CEP83: variants seen among roughly 807,000 people sequenced by gnomAD.
CEP83 encodes centrosomal protein of 83 kDa.
A neutral mutation model predicts 101.9 loss-of-function variants in CEP83; 70 were observed. The ratio of observed to expected loss-of-function variants is 0.69; its 90% CI spans 0.57 to 0.84. The LOEUF (loss-of-function observed/expected upper bound fraction) is 0.84, where lower values mean the gene tolerates loss of function less well. Among genes scored for constraint, CEP83 ranks in the 40% least tolerant of loss-of-function variants. The pLI is 0.00. For synonymous variants in CEP83, 264 were observed against 267.9 expected, an observed-to-expected ratio of 0.99 and a Z score of 0.14; for missense variants, 715 against 787.2, an observed-to-expected ratio of 0.91 and a Z score of 1.10.
At chr12:94,424,375 T>C in intron 2 of CEP83, 1 of 1,613,996 alleles carries the variant, frequency 6.2e-7, no homozygotes, top group Non-Finnish European at 8.5e-7. Flanking sequence ...TCTTAATATA[T>C]TTTCCATTAA....
intron 1 of CEP83, among the ~76,000 whole-genome samples, chr12:94,448,614 G>A (rs1011684588): frequency 2.4e-4 from 37 of 152,006 alleles, no homozygotes; most frequent in African/African-American, 5.6e-4. Flanking sequence ...TTAGTCATCC[G>A]AACAAAAATA....
At chr12:94,425,899 T>C (rs1264533346) in intron 2 of CEP83, among the ~76,000 whole-genome samples, 1 of 152,028 alleles carries the variant, frequency 6.6e-6, no homozygotes, top group Non-Finnish European at 1.5e-5. Context: ...GGTGGGCGGA[T>C]CACGAGGTCA....
chr12:94,443,284 TAC>T (rs1566224778), intron 1 of CEP83, among the ~76,000 whole-genome samples: 2 of 147,410 alleles, frequency 1.4e-5, no homozygotes, highest in Non-Finnish European at 3.0e-5. Flanking sequence ...ACTTTGTTCA[TAC>T]AGTTATGCCA....
At chr12:94,364,547 T>A (rs2060928185) in intron 11 of CEP83, among the ~76,000 whole-genome samples, 1 of 152,056 alleles carries the variant, frequency 6.6e-6, no homozygotes, top group Non-Finnish European at 1.5e-5. Flanking sequence ...GGAGGATTGC[T>A]TGAGCTCAGG....
the CEP83 span, chr12:94,278,084 G>A: frequency 8.8e-6 from 4 of 455,648 alleles, no homozygotes; most frequent in Middle Eastern, 3.2e-4. Context: ...CTGTATGGGC[G>A]AGCATCTTCC....
intron 11 of CEP83, among the ~76,000 whole-genome samples, chr12:94,343,120 C>CATATAT (rs140745114): frequency 1.2e-4 from 17 of 146,932 alleles, no homozygotes; most frequent in African/African-American, 1.0e-4. Context: ...TATAGAACTT[C>CATATAT]ATATATATAT....
At chr12:94,449,535 C>T (rs1478236121) in intron 1 of CEP83, among the ~76,000 whole-genome samples, 2 of 150,826 alleles carry the variant, frequency 1.3e-5, no homozygotes, top group Non-Finnish European at 2.9e-5. Flanking sequence ...GCAGGTAAAT[C>T]GCTTGAGCCA....
chr12:94,327,533 C>A (rs1380937873), intron 14 of CEP83, among the ~76,000 whole-genome samples: 1 of 152,136 alleles, frequency 6.6e-6, no homozygotes, highest in Non-Finnish European at 1.5e-5. Context: ...AATATCTTTA[C>A]TTAAGAGTCT....
the CEP83 span, among the ~76,000 whole-genome samples, chr12:94,271,954 G>T: frequency 6.6e-6 from 1 of 152,120 alleles, no homozygotes; most frequent in Admixed American, 6.5e-5. Context: ...ACATATGACC[G>T]CTGTGATGGG....
At chr12:94,273,167 G>A in the CEP83 span, among the ~76,000 whole-genome samples, 5 of 152,204 alleles carry the variant, frequency 3.3e-5, no homozygotes, top group African/African-American at 7.2e-5. Context: ...TTCCCAGTAC[G>A]TGATAAGCAC....
chr12:94,297,764 T>G, the CEP83 span, among the ~76,000 whole-genome samples: 1 of 152,222 alleles, frequency 6.6e-6, no homozygotes, highest in East Asian at 1.9e-4. Context: ...GCAATAAAAC[T>G]CCCTTTTTGA....
chr12:94,356,382 C>T (rs1034704844), intron 11 of CEP83, among the ~76,000 whole-genome samples: 4 of 152,214 alleles, frequency 2.6e-5, no homozygotes, highest in African/African-American at 9.6e-5. Flanking sequence ...TTCATCCCTA[C>T]CCTTCTGCAC....
At chr12:94,417,204 AGGTACTT>A (rs1485477598) in intron 2 of CEP83, among the ~76,000 whole-genome samples, 8 of 152,090 alleles carry the variant, frequency 5.3e-5, no homozygotes, top group Non-Finnish European at 1.0e-4. Context: ...CTATATGCCC[AGGTACTT>A]GGGAGGCTAA....
intron 6 of CEP83, among the ~76,000 whole-genome samples, chr12:94,380,708 A>G (rs2061802146): frequency 6.6e-6 from 1 of 152,186 alleles, no homozygotes; most frequent in African/African-American, 2.4e-5. Flanking sequence ...GGTGCCCTTT[A>G]CTGAGTACTT....
chr12:94,424,071 G>A (rs61759828), intron 2 of CEP83: 110,865 of 1,610,498 alleles, frequency 0.069, 4,309 homozygotes, highest in Non-Finnish European at 0.08. Flanking sequence ...TTAGGTACTT[G>A]TAGAGGAGAT....
At chr12:94,310,958 C>T (rs781624000) in intron 15 of CEP83, among the ~76,000 whole-genome samples, 15 of 152,030 alleles carry the variant, frequency 9.9e-5, no homozygotes, top group South Asian at 2.1e-4. Context: ...GCTGGGGGCC[C>T]CTGAATAGCT....
rs998962282 is a variant in CEP83 at position 94,350,151 on chromosome 12, T to C, written c.1344-14487A>G. ...AGAAATAGAAAAATCTATCCTAAAA[T>C]TCGTATGGAATCTCAAGGCAACCCA... On this transcript the variant is annotated intron_variant, in intron 11 of 16. Transcript: ENST00000397809. Among the ~76,000 whole-genome samples, 22 of 152,120 alleles carry C rather than the reference T, an allele frequency of 1.4e-4. 1 individual carries two copies. The highest frequency in any genetic ancestry group is 5.3e-4 in the African/African-American group (22 of 41,416).
intron 6 of CEP83, among the ~76,000 whole-genome samples, chr12:94,394,910 A>G (rs565435075): frequency 1.3e-5 from 2 of 152,336 alleles, no homozygotes; most frequent in South Asian, 4.1e-4. Flanking sequence ...TGCAAATCAA[A>G]ACCACAATGA....
In CEP83 at chr12:94,370,043, A is replaced by C; in HGVS notation, c.934-7T>G. 1 of 1,497,352 alleles carries C rather than the reference A, an allele frequency of 6.7e-7. No individual in the cohort carries two copies. Among genetic ancestry groups the C allele is most frequent in the Non-Finnish European group, 9.3e-7 (1 of 1,076,576 alleles). The allele number at this position is 1,497,352 out of a possible 1,614,324, so 92.8% of individuals were successfully genotyped here. A position where few individuals can be genotyped will look rare whatever the true frequency, so the allele number is the denominator to read the frequency against. ...AATGTTTAAGTTCTTTTACCTGTTG[A>C]TAATTAAAAACTGAAATTACTATTG... On this transcript the variant is annotated splice_polypyrimidine_tract_variant and splice_region_variant and intron_variant, in intron 8 of 16. Transcript: ENST00000397809.
Sources: gnomAD v4.1 joint callset for allele counts (sites outside exome capture counted in the v4.1 genomes callset) on GRCh38, gnomAD v4.1.1 for gene constraint, MANE v1.5 for transcripts, NCBI Gene and HGNC (gene_info 2026-07-23, HGNC 2026-07-21) for gene names.